The following SPAG9 variants were observed in gnomAD, a reference collection of about 807,000 sequenced individuals.
SPAG9 encodes the protein sperm associated antigen 9.
In SPAG9, 35 loss-of-function variants were observed where a neutral mutation model predicts 166.5. The observed-to-expected ratio is 0.21, with a 90% CI of 0.16 to 0.28. SPAG9 has a LOEUF of 0.28. Among genes scored for constraint, SPAG9 ranks in the 10% least tolerant of loss-of-function variants. SPAG9 has a pLI of 1.00. For synonymous variants in SPAG9, 534 were observed against 565.5 expected (o/e 0.94, Z 0.79); for missense variants, 1,235 against 1,603.3 (o/e 0.77, Z 3.92).
At chr17:51,097,319 G>A (rs1434890482) in intron 1 of SPAG9, among the ~76,000 whole-genome samples, 2 of 152,196 alleles carry the variant, frequency 1.3e-5, no homozygotes, top group African/African-American at 2.4e-5. Flanking sequence ...TGAACCTGAG[G>A]AGGGGGTTGT....
At chr17:51,001,592 T>G in intron 13 of SPAG9, 123 bp downstream of exon 13, 2 of 895,930 alleles carry the variant, frequency 2.2e-6, no homozygotes, top group Non-Finnish European at 3.2e-6. Context: ...CTTTAAAAAG[T>G]CTCTCCTAGT....
chr17:51,025,316 CAAAAAAA>C lies in SPAG9; in HGVS notation c.784-3958_784-3952del, dbSNP rs10549685. 7.0e-3 allele frequency among the ~76,000 whole-genome samples: 427 copies of C among 61,046 alleles called. 4 individuals carry two copies. Among genetic ancestry groups the C allele is most frequent in the Middle Eastern group, 0.014 (1 of 74 alleles). 40.0% of individuals were successfully genotyped at this position (61,046 alleles called of 152,430 possible). On this transcript the variant is annotated intron_variant, in intron 6 of 29. Coordinates refer to ENST00000262013, the MANE Select transcript of SPAG9 (RefSeq NM_001130528.3). ...CTGGTGACAGGGTGAGACTCTGTCTCAAAAAAAAAAAAAAAAAAAAAAAAAAAAAATG... is the reference window on the plus strand; with the variant it reads ...CTGGTGACAGGGTGAGACTCTGTCTCAAAAAAAAAAAAAAAAAAAAAAATG...
intron 1 of SPAG9, among the ~76,000 whole-genome samples, chr17:51,082,014 T>C (rs2144649777): frequency 6.6e-6 from 1 of 152,286 alleles, no homozygotes. Flanking sequence ...TGCTCTCTAC[T>C]TACTTCCTTC....
intron 1 of SPAG9, among the ~76,000 whole-genome samples, chr17:51,098,595 C>T (rs535458527): frequency 6.6e-6 from 1 of 152,110 alleles, no homozygotes; most frequent in East Asian, 2.0e-4. Flanking sequence ...AGGGTTCAAC[C>T]GATTCTCCTA....
chr17:51,014,150 A>T, intron 9 of SPAG9, 82 bp downstream of exon 9: 1 of 1,303,664 alleles, frequency 7.7e-7, no homozygotes, highest in South Asian at 1.6e-5. Context: ...AGTTGGGGAC[A>T]TTTTAAAGGA....
At chr17:51,012,720 T>C (rs949304704) in intron 9 of SPAG9, among the ~76,000 whole-genome samples, 7 of 148,772 alleles carry the variant, frequency 4.7e-5, no homozygotes, top group African/African-American at 1.8e-4. Context: ...TCTTACTAGA[T>C]ACTTTATTTA....
intron 6 of SPAG9, among the ~76,000 whole-genome samples, chr17:51,022,747 A>G (rs1042643611): frequency 2.0e-5 from 3 of 151,454 alleles, no homozygotes; most frequent in Non-Finnish European, 2.9e-5. Context: ...TCGGGAGTTC[A>G]AGACCAGCCT....
intron 28 of SPAG9, among the ~76,000 whole-genome samples, chr17:50,971,256 G>T (rs576633901): frequency 6.6e-6 from 1 of 152,088 alleles, no homozygotes; most frequent in Non-Finnish European, 1.5e-5. Context: ...GCAGTGAGCT[G>T]TGATGCGCCA....
At chr17:51,109,500 G>A (rs1412845140) in intron 1 of SPAG9, among the ~76,000 whole-genome samples, 1 of 152,166 alleles carries the variant, frequency 6.6e-6, no homozygotes, top group African/African-American at 2.4e-5. Context: ...CTTCCAAAGT[G>A]CTGGGATTAC....
At chr17:50,979,684 A>AT in intron 26 of SPAG9, 62 bp downstream of exon 26, 2 of 1,497,468 alleles carry the variant, frequency 1.3e-6, no homozygotes, top group South Asian at 1.2e-5. Flanking sequence ...CAATAAACAC[A>AT]TAGATAGATA....
chr17:51,049,403 C>T (rs548351579), intron 3 of SPAG9, among the ~76,000 whole-genome samples: 1 of 151,940 alleles, frequency 6.6e-6, no homozygotes, highest in African/African-American at 2.4e-5. Context: ...AGGTCAGGTG[C>T]AGTAGCTAAT....
At chr17:50,992,927 T>C (rs943511157) in intron 19 of SPAG9, among the ~76,000 whole-genome samples, 3 of 151,072 alleles carry the variant, frequency 2.0e-5, no homozygotes, top group African/African-American at 7.3e-5. Flanking sequence ...GACACCCCAT[T>C]TCTACCAAAA....
intron 5 of SPAG9, among the ~76,000 whole-genome samples, chr17:51,034,773 T>C (rs1363442821): frequency 2.6e-5 from 4 of 152,206 alleles, no homozygotes; most frequent in Non-Finnish European, 1.5e-5. Flanking sequence ...AATGAAAGTT[T>C]GAGCAGAAAC....
intron 1 of SPAG9, among the ~76,000 whole-genome samples, chr17:51,082,574 A>G (rs539707840): frequency 6.6e-6 from 1 of 152,210 alleles, no homozygotes; most frequent in Admixed American, 6.5e-5. Context: ...CTGTATACCC[A>G]GTACAAAGAA....
rs1491171554 is a variant in SPAG9, at chr17:51,037,684, TAG to T, written c.741+3815_741+3816del. ...TGTGTTTTATATATATATATATATA[TAG>T]TGTGTGTGTGTGTGTGTGTGTGTGT... is the stretch of plus-strand genomic sequence containing the variant. On this transcript the variant is annotated intron_variant, in intron 5 of 29. Transcript: ENST00000262013. 2.4e-5 allele frequency among the ~76,000 whole-genome samples: 2 copies of T among 83,212 alleles called. 1 individual carries two copies. Among genetic ancestry groups the T allele is most frequent in the Admixed American group, 2.6e-4 (2 of 7,730 alleles). 54.6% of individuals were successfully genotyped at this position (83,212 alleles called of 152,430 possible). A position where few individuals can be genotyped will look rare whatever the true frequency, so the allele number is the denominator to read the frequency against.
chr17:51,086,436 T>C (rs1231281592), intron 1 of SPAG9, among the ~76,000 whole-genome samples: 2 of 147,800 alleles, frequency 1.4e-5, no homozygotes, highest in African/African-American at 2.5e-5. Context: ...AGCTTAGGAA[T>C]CTGAGACCAG....
At chr17:51,077,687 C>T (rs1025355121) in intron 2 of SPAG9, among the ~76,000 whole-genome samples, 1 of 151,750 alleles carries the variant, frequency 6.6e-6, no homozygotes, top group African/African-American at 2.4e-5. Context: ...GTCTCACTCT[C>T]TTACCCAGCC....
chr17:51,099,582 A>G (rs2048743545), intron 1 of SPAG9, among the ~76,000 whole-genome samples: 1 of 151,764 alleles, frequency 6.6e-6, no homozygotes, highest in Non-Finnish European at 1.5e-5. Context: ...TACCTGTGTT[A>G]TGATGTTTGC....
chr17:51,117,536 C>T (rs2049325122), intron 1 of SPAG9, among the ~76,000 whole-genome samples: 1 of 151,398 alleles, frequency 6.6e-6, no homozygotes, highest in Admixed American at 6.6e-5. Context: ...ATGGTGAAAC[C>T]CCGTCTCTAC....
Sources: allele counts gnomAD v4.1 joint callset (sites outside exome capture counted in the v4.1 genomes callset), GRCh38; gene constraint gnomAD v4.1.1; transcripts MANE v1.5; gene names NCBI Gene and HGNC (gene_info 2026-07-23, HGNC 2026-07-21).